The following GABRB1 variants were observed in gnomAD, a reference collection of about 807,000 sequenced individuals.
GABRB1 encodes the protein gamma-aminobutyric acid type A receptor subunit beta1, also known as gamma-aminobutyric acid receptor subunit beta-1.
A neutral mutation model predicts 51.6 loss-of-function variants in GABRB1; 17 were observed. That is an observed-to-expected ratio of 0.33 (90% CI 0.23 to 0.49). The LOEUF (loss-of-function observed/expected upper bound fraction) is 0.49. Among genes scored for constraint, GABRB1 ranks in the 20% least tolerant of loss-of-function variants. GABRB1 has a pLI of 0.99. For synonymous variants in GABRB1, 247 were observed against 218.9 expected, an observed-to-expected ratio of 1.13 and a Z score of -1.14; for missense variants, 410 against 600.6, an observed-to-expected ratio of 0.68 and a Z score of 3.32.
chr4:47,403,825 C>T, intron 7 of GABRB1, 114 bp downstream of exon 7: 1 of 923,708 alleles, frequency 1.1e-6, no homozygotes, highest in Non-Finnish European at 1.6e-6. Context: ...ATTAGATCAT[C>T]TTACAAGTCC....
At chr4:47,190,581 G>C (rs906434159) in intron 4 of GABRB1, among the ~76,000 whole-genome samples, 4 of 152,052 alleles carry the variant, frequency 2.6e-5, no homozygotes, top group Non-Finnish European at 5.9e-5. Context: ...TCAAAGCATA[G>C]TAAATATATG....
At chr4:47,357,533 G>T (rs143871062) in intron 5 of GABRB1, among the ~76,000 whole-genome samples, 47 of 152,272 alleles carry the variant, frequency 3.1e-4, no homozygotes, top group Middle Eastern at 3.4e-3. Flanking sequence ...ATGAAGCCAG[G>T]TTCCACGAAT....
At chr4:47,376,936 T>C (rs1349347977) in intron 5 of GABRB1, among the ~76,000 whole-genome samples, 1 of 152,240 alleles carries the variant, frequency 6.6e-6, no homozygotes, top group African/African-American at 2.4e-5. Context: ...ATGTTTCTTT[T>C]CTCCTCAGTC....
intron 3 of GABRB1, among the ~76,000 whole-genome samples, chr4:47,155,869 G>T (rs1717669084): frequency 7.8e-6 from 1 of 128,820 alleles, no homozygotes; most frequent in Non-Finnish European, 1.6e-5. Flanking sequence ...GATAAACAAT[G>T]GTAAAACATT....
intron 4 of GABRB1, among the ~76,000 whole-genome samples, chr4:47,257,511 C>T (rs765680719): frequency 5.9e-5 from 9 of 151,828 alleles, no homozygotes; most frequent in Non-Finnish European, 1.0e-4. Flanking sequence ...CACAGTTTGA[C>T]ACAAGGCACA....
chr4:47,298,460 C>A (rs1012401649), intron 4 of GABRB1, among the ~76,000 whole-genome samples: 1 of 152,086 alleles, frequency 6.6e-6, no homozygotes, highest in African/African-American at 2.4e-5. Flanking sequence ...AAACAGAGAG[C>A]CAAATCATAA....
chr4:47,230,061 T>C lies in GABRB1; in HGVS notation c.461+68592T>C, dbSNP rs370105025. 1.6e-3 allele frequency among the ~76,000 whole-genome samples: 249 copies of C among 152,300 alleles called. 2 individuals are homozygous for C. Among genetic ancestry groups the C allele is most frequent in the African/African-American group, 5.2e-3 (216 of 41,586 alleles). On this transcript the variant is annotated intron_variant, in intron 4 of 8. Transcript: ENST00000295454. ...CTATTAAAGATAACACTTTACAAAA[T>C]AGTCAATATAATAAAGACTGAATTC... is the stretch of plus-strand genomic sequence containing the variant.
At chr4:47,192,663 A>G (rs561867229) in intron 4 of GABRB1, among the ~76,000 whole-genome samples, 1 of 152,190 alleles carries the variant, frequency 6.6e-6, no homozygotes, top group Non-Finnish European at 1.5e-5. Flanking sequence ...TTGCTCTCCA[A>G]CTATGCATTG....
chr4:47,212,693 A>T (rs1211180864), intron 4 of GABRB1, among the ~76,000 whole-genome samples: 1 of 152,002 alleles, frequency 6.6e-6, no homozygotes, highest in Non-Finnish European at 1.5e-5. Context: ...ACAAAAACAA[A>T]AAAGAAGACA....
intron 3 of GABRB1, among the ~76,000 whole-genome samples, chr4:47,146,108 G>C (rs1717159478): frequency 6.6e-6 from 1 of 151,996 alleles, no homozygotes; most frequent in Admixed American, 6.6e-5. Flanking sequence ...TATCACTTTA[G>C]CGGTCACACC....
intron 4 of GABRB1, among the ~76,000 whole-genome samples, chr4:47,284,888 C>T (rs1723449272): frequency 6.6e-6 from 1 of 152,094 alleles, no homozygotes; most frequent in Non-Finnish European, 1.5e-5. Context: ...AAATGCATAA[C>T]TAAAAAATAA....
At chr4:47,168,635 C>T (rs1053272700) in intron 4 of GABRB1, among the ~76,000 whole-genome samples, 1 of 152,086 alleles carries the variant, frequency 6.6e-6, no homozygotes, top group Non-Finnish European at 1.5e-5. Flanking sequence ...GCCTGACTGT[C>T]TTCTTTGATG....
intron 3 of GABRB1, among the ~76,000 whole-genome samples, chr4:47,152,484 A>G (rs1375497672): frequency 2.0e-5 from 3 of 152,010 alleles, no homozygotes; most frequent in African/African-American, 7.2e-5. Context: ...GACTGATCCT[A>G]GAATCCAATT....
At chr4:47,154,196 G>C (rs1016505688) in intron 3 of GABRB1, among the ~76,000 whole-genome samples, 4 of 150,630 alleles carry the variant, frequency 2.7e-5, no homozygotes, top group African/African-American at 9.8e-5. Flanking sequence ...TTATGGTTTA[G>C]ATTGGTTTAT....
intron 3 of GABRB1, among the ~76,000 whole-genome samples, chr4:47,052,793 C>T (rs902015833): frequency 2.6e-5 from 4 of 152,074 alleles, no homozygotes; most frequent in East Asian, 1.9e-4. Context: ...CATCGCTTTG[C>T]GGATCAGCTT....
At chr4:47,022,401 T>C (rs561872104) in intron 1 of GABRB1, among the ~76,000 whole-genome samples, 1 of 152,230 alleles carries the variant, frequency 6.6e-6, no homozygotes, top group East Asian at 1.9e-4. Context: ...TGCTTCATTG[T>C]TTCTGGTACT....
intron 8 of GABRB1, among the ~76,000 whole-genome samples, chr4:47,424,532 A>C (rs182912295): frequency 6.6e-6 from 1 of 152,032 alleles, no homozygotes; most frequent in East Asian, 1.9e-4. Context: ...GTTTTTCTCT[A>C]TCTCTTCTTC....
chr4:47,284,661 C>T lies in GABRB1; in HGVS notation c.462-35466C>T, dbSNP rs140093126. ...CCTAAAGTGGCTTTTTAGCTGTGTTCTCTTGACAGGATCCTACAACCAAAG... is the reference window on the plus strand; with the variant it reads ...CCTAAAGTGGCTTTTTAGCTGTGTTTTCTTGACAGGATCCTACAACCAAAG... On this transcript the variant is annotated intron_variant, in intron 4 of 8. Transcript: ENST00000295454. Among the ~76,000 whole-genome samples, 34 of 152,196 alleles carry T rather than the reference C, an allele frequency of 2.2e-4. No homozygotes were observed. In the East Asian group the frequency reaches 4.1e-3, roughly 18 times the overall value.
chr4:47,082,202 T>C (rs938461804), intron 3 of GABRB1, among the ~76,000 whole-genome samples: 3 of 152,078 alleles, frequency 2.0e-5, no homozygotes, highest in Admixed American at 1.3e-4. Flanking sequence ...TTATATCAGC[T>C]CTATTTTACA....
Sources: allele counts gnomAD v4.1 joint callset (sites outside exome capture counted in the v4.1 genomes callset), GRCh38; gene constraint gnomAD v4.1.1; transcripts MANE v1.5; gene names NCBI Gene and HGNC (gene_info 2026-07-23, HGNC 2026-07-21).